Variants in PIK3R3 observed in about 807,000 individuals in gnomAD.
The protein encoded by PIK3R3 is phosphatidylinositol 3-kinase regulatory subunit gamma.
Under a neutral mutation model 62.9 loss-of-function variants are expected in PIK3R3, and 64 were observed. The ratio of observed to expected loss-of-function variants is 1.02; its 90% CI spans 0.83 to 1.25. The LOEUF is 1.25. Ranked by LOEUF, PIK3R3 falls within the 50% of genes most tolerant of loss-of-function variation. PIK3R3 has a pLI of 0.00. For missense variants in PIK3R3, 614 were observed against 561.6 expected (o/e 1.09, Z -0.94); for synonymous variants, 165 against 189.0 (o/e 0.87, Z 1.04).
intron 1 of PIK3R3, among the ~76,000 whole-genome samples, chr1:46,090,122 T>C (rs898683188): frequency 2.6e-5 from 4 of 152,112 alleles, no homozygotes; most frequent in Non-Finnish European, 5.9e-5. Flanking sequence ...TAAACCCATA[T>C]TGTTTTAAGA....
At chr1:46,133,310 G>C (rs1655788692), upstream of PIK3R3, among the ~76,000 whole-genome samples, 1 of 152,270 alleles carries the variant, frequency 6.6e-6, no homozygotes, top group Non-Finnish European at 1.5e-5. Flanking sequence ...GACAGGCGGG[G>C]CTCCTGCTGA....
intron 1 of PIK3R3, among the ~76,000 whole-genome samples, chr1:46,084,471 T>C (rs1571446410): frequency 6.6e-6 from 1 of 152,310 alleles, no homozygotes; most frequent in South Asian, 2.1e-4. Flanking sequence ...CATTACCAGA[T>C]GGGGGTGGAT....
chr1:46,159,175 C>T, the PIK3R3 span, among the ~76,000 whole-genome samples: 2 of 152,124 alleles, frequency 1.3e-5, no homozygotes, highest in Admixed American at 6.5e-5. Context: ...TTTGTCTCCC[C>T]GTTACCTGCT....
the PIK3R3 span, among the ~76,000 whole-genome samples, chr1:46,167,030 G>C: frequency 2.0e-5 from 3 of 152,246 alleles, no homozygotes; most frequent in Non-Finnish European, 4.4e-5. Flanking sequence ...CGCCCGGCGC[G>C]GTTAATTATA....
the PIK3R3 span, among the ~76,000 whole-genome samples, chr1:46,143,204 C>A: frequency 3.3e-5 from 5 of 152,160 alleles, no homozygotes; most frequent in Non-Finnish European, 7.3e-5. Flanking sequence ...CAGGACCTCA[C>A]TGGGTAGATC....
chr1:46,141,159 C>T, the PIK3R3 span, among the ~76,000 whole-genome samples: 4 of 151,850 alleles, frequency 2.6e-5, no homozygotes, highest in South Asian at 2.1e-4. Context: ...TGCACCTGGC[C>T]GATTTCTGTT....
At chr1:46,092,241 A>G (rs1317866467) in intron 1 of PIK3R3, among the ~76,000 whole-genome samples, 3 of 152,242 alleles carry the variant, frequency 2.0e-5, no homozygotes, top group African/African-American at 7.2e-5. Flanking sequence ...GATTCCATTG[A>G]TCCAGAATGA....
At chr1:46,145,902 A>C in the PIK3R3 span, among the ~76,000 whole-genome samples, 1 of 152,130 alleles carries the variant, frequency 6.6e-6, no homozygotes, top group Non-Finnish European at 1.5e-5. Context: ...GAATTCCAGG[A>C]CTCAGGATAC....
At chr1:46,101,696 A>T (rs1244804579) in intron 1 of PIK3R3, among the ~76,000 whole-genome samples, 2 of 152,250 alleles carry the variant, frequency 1.3e-5, no homozygotes, top group African/African-American at 4.8e-5. Context: ...AAAAGGACAA[A>T]TATTGTATGA....
At chr1:46,051,729 C>G (rs1162179062) in intron 7 of PIK3R3, among the ~76,000 whole-genome samples, 1 of 152,070 alleles carries the variant, frequency 6.6e-6, no homozygotes, top group East Asian at 1.9e-4. Context: ...AATACTGTAG[C>G]CCCTGCTTAT....
chr1:46,072,958 AAT>A (rs56768076), intron 3 of PIK3R3, among the ~76,000 whole-genome samples: 97,440 of 146,824 alleles, frequency 0.66, 32,412 homozygotes, highest in Non-Finnish European at 0.7. Flanking sequence ...AATATAAATA[AAT>A]ATATATATAT....
chr1:46,146,565 T>C, the PIK3R3 span, among the ~76,000 whole-genome samples: 1 of 152,068 alleles, frequency 6.6e-6, no homozygotes, highest in South Asian at 2.1e-4. Context: ...GCCAAAAATG[T>C]CAAATGTTCC....
At chr1:46,061,550 C>T in intron 6 of PIK3R3, among the ~76,000 whole-genome samples, 1 of 152,168 alleles carries the variant, frequency 6.6e-6, no homozygotes, top group Non-Finnish European at 1.5e-5. Flanking sequence ...GAAAATAAGC[C>T]ACCATGCCTA....
At chr1:46,057,969 T>G (rs1648094024) in intron 6 of PIK3R3, among the ~76,000 whole-genome samples, 1 of 152,218 alleles carries the variant, frequency 6.6e-6, no homozygotes, top group African/African-American at 2.4e-5. Flanking sequence ...GTCAGAGGTC[T>G]TCAAGGCAGC....
At chr1:46,072,455 T>C (rs1190033997) in intron 3 of PIK3R3, among the ~76,000 whole-genome samples, 1 of 152,240 alleles carries the variant, frequency 6.6e-6, no homozygotes, top group Non-Finnish European at 1.5e-5. Flanking sequence ...ATCAAACACC[T>C]ACTGTATGTC....
intron 1 of PIK3R3, among the ~76,000 whole-genome samples, chr1:46,099,980 T>G (rs1652499879): frequency 6.6e-6 from 1 of 152,226 alleles, no homozygotes; most frequent in South Asian, 2.1e-4. Flanking sequence ...GTATTTCATC[T>G]TCTATGAATT....
intron 6 of PIK3R3, among the ~76,000 whole-genome samples, 200 bp downstream of exon 6, chr1:46,061,728 CA>C (rs1648503918): frequency 6.6e-6 from 1 of 152,108 alleles, no homozygotes; most frequent in South Asian, 2.1e-4. Context: ...AACGGATAAG[CA>C]GGAGTTTATC....
At chr1:46,174,327 A>G in the PIK3R3 span, among the ~76,000 whole-genome samples, 1 of 152,090 alleles carries the variant, frequency 6.6e-6, no homozygotes, top group Admixed American at 6.5e-5. Context: ...CCCCCATCCC[A>G]TAACCTGAGG....
chr1:46,108,586 C>G (rs1290174364), intron 1 of PIK3R3, among the ~76,000 whole-genome samples: 3 of 152,182 alleles, frequency 2.0e-5, no homozygotes, highest in Non-Finnish European at 2.9e-5. Context: ...AAGCCAAACA[C>G]TCTATACATC....
Sources: gnomAD v4.1 joint callset for allele counts (sites outside exome capture counted in the v4.1 genomes callset) on GRCh38, gnomAD v4.1.1 for gene constraint, MANE v1.5 for transcripts, NCBI Gene and HGNC (gene_info 2026-07-23, HGNC 2026-07-21) for gene names.